The following CHML variants were observed in gnomAD, a reference collection of about 807,000 sequenced individuals.
The protein encoded by CHML is CHM like Rab escort protein, also known as rab proteins geranylgeranyltransferase component A 2.
Under a neutral mutation model 30.4 loss-of-function variants are expected in CHML, and 20 were observed. The ratio of observed to expected loss-of-function variants is 0.66; its 90% CI spans 0.46 to 0.95. The LOEUF (loss-of-function observed/expected upper bound fraction) is 0.95, where lower values mean the gene tolerates loss of function less well. Ranked by LOEUF, CHML falls within the 40% of genes least tolerant of loss-of-function variation. CHML has a pLI of 0.00. For synonymous variants in CHML, 281 were observed against 275.0 expected, an observed-to-expected ratio of 1.02 and a Z score of -0.22; for missense variants, 795 against 768.5, an observed-to-expected ratio of 1.03 and a Z score of -0.41.
chr1:241,630,059 C>T lies in CHML; in HGVS notation c.*3737G>A, dbSNP rs531080726. On this transcript the variant is annotated 3_prime_UTR_variant, in exon 2 of 2. Coordinates refer to ENST00000366553, the MANE Select transcript of CHML (RefSeq NM_001381853.1). ...ATTTCATACTAATGTCACATATTGGCATTTCTTTGGATGTAGCTTTATATT... is the reference window on the plus strand; with the variant it reads ...ATTTCATACTAATGTCACATATTGGTATTTCTTTGGATGTAGCTTTATATT... The T allele has an allele frequency of 6.6e-6, 1 of 152,160 alleles. No homozygotes were observed. Among genetic ancestry groups the T allele is most frequent in the African/African-American group, 2.4e-5 (1 of 41,548 alleles). The allele number at this position is 152,160 out of a possible 1,614,324, so 9.4% of individuals were successfully genotyped here. A position where few individuals can be genotyped will look rare whatever the true frequency, so the allele number is the denominator to read the frequency against.
chr1:241,634,597 A>G lies in CHML; in HGVS notation c.1170T>C (p.Cys390=), dbSNP rs1664798054. The change falls in exon 2 of 2, where the codon TGT becomes TGC. Residue 390 remains cysteine (C), a synonymous_variant. Coordinates refer to ENST00000366553, the MANE Select transcript of CHML (RefSeq NM_001381853.1). ...YGQGEIPQGF[C]RMCAVFGGIY... ...TTCCACCAAAAACTGCACACATCCT[A>G]CAGAAACCCTGGGGAATTTCTCCTT... 6.2e-7 allele frequency: 1 copy of G among 1,613,758 alleles called. No individual in the cohort carries two copies. Among genetic ancestry groups the G allele is most frequent in the Non-Finnish European group, 8.5e-7 (1 of 1,179,894 alleles).
At position 241,635,192 on chromosome 1, in the gene CHML, G is replaced by A. The variant is rs1664837899; in HGVS notation, c.575C>T (p.Ser192Leu). 4 of 1,612,900 alleles carry A rather than the reference G, an allele frequency of 2.5e-6. No homozygotes were observed. Among genetic ancestry groups the A allele is most frequent in the Non-Finnish European group, 3.4e-6 (4 of 1,179,892 alleles). The change falls in exon 2 of 2, where the codon TCA becomes TTA. Residue 192 changes from serine to leucine, a missense_variant. By Grantham distance (145) the Ser-to-Leu change is moderately radical. Coordinates refer to ENST00000366553, the MANE Select transcript of CHML (RefSeq NM_001381853.1). ...CGDKTCMHTV[S>L]DKDGDKDESK... Reference sequence around the variant, plus strand: ...TTCATCTTTATCTCCATCTTTATCTGAAACTGTGTGCATACAAGTTTTATC... The same window carrying A: ...TTCATCTTTATCTCCATCTTTATCTAAAACTGTGTGCATACAAGTTTTATC...
chr1:241,639,941 T>C lies in CHML; in HGVS notation c.-367A>G. ...GCCCACGGTGTCCCACACCCAGCCG[T>C]TCCTCAGGCAGGACACGAAGGTAAA... On this transcript the variant is annotated 5_prime_UTR_variant, in exon 1 of 2. Transcript: ENST00000366553. 1.2e-6 allele frequency: 2 copies of C among 1,608,290 alleles called. No homozygotes were observed. Among genetic ancestry groups the C allele is most frequent in the Non-Finnish European group, 1.7e-6 (2 of 1,177,654 alleles).
chr1:241,635,842 C>T lies in CHML; in HGVS notation c.-76G>A. On this transcript the variant is annotated 5_prime_UTR_variant, in exon 2 of 2. Coordinates refer to ENST00000366553, the MANE Select transcript of CHML (RefSeq NM_001381853.1). ...GTGATTATGCTGTAATAAAATCTGT[C>T]CTTCTGATGTTCCAGTTATCCCAGA... The T allele has an allele frequency of 2.1e-6, 3 of 1,413,354 alleles. No homozygotes were observed. In the South Asian group the frequency reaches 4.1e-5, roughly 19 times the overall value. 87.6% of individuals were successfully genotyped at this position (1,413,354 alleles called of 1,614,324 possible). A position where few individuals can be genotyped will look rare whatever the true frequency, so the allele number is the denominator to read the frequency against.
chr1:241,636,528 A>G (rs918985408), intron 1 of CHML, among the ~76,000 whole-genome samples: 36 of 152,210 alleles, frequency 2.4e-4, no homozygotes, highest in South Asian at 2.1e-4. Context: ...ACAGCTGAAT[A>G]TAAGACCTTT....
At position 241,634,934 on chromosome 1, in the gene CHML, CAAGGAA is replaced by C. The variant is rs1360354466; in HGVS notation, c.827_832del (p.Val276_Cys278delinsGly). The C allele has an allele frequency of 5.0e-6, 8 of 1,612,824 alleles. No individual in the cohort carries two copies. Among genetic ancestry groups the C allele is most frequent in the Non-Finnish European group, 6.8e-6 (8 of 1,179,638 alleles). On this transcript the variant is annotated inframe_deletion, in exon 2 of 2. Transcript: ENST00000366553. ...GCTATTAAAGACATCTGCTCTGGAACAAGGAACTTGTTCTACCTTTCCTTCCCGAAA... is the reference window on the plus strand; with the variant it reads ...GCTATTAAAGACATCTGCTCTGGAACCTTGTTCTACCTTTCCTTCCCGAAA...
At position 241,629,498 on chromosome 1, in the gene CHML, A is replaced by G. The variant is rs1664533255; in HGVS notation, c.*4298T>C. On this transcript the variant is annotated 3_prime_UTR_variant, in exon 2 of 2. Transcript: ENST00000366553. Reference sequence around the variant, plus strand: ...TTTATAAATTTGCCTAAGAGTACAAACCCTTATGGATATGCATATAGTTTT... The same window carrying G: ...TTTATAAATTTGCCTAAGAGTACAAGCCCTTATGGATATGCATATAGTTTT... The G allele has an allele frequency of 6.6e-6, 1 of 152,092 alleles. No individual in the cohort carries two copies. The highest frequency in any genetic ancestry group is 1.5e-5 in the Non-Finnish European group (1 of 67,960). 9.4% of individuals were successfully genotyped at this position (152,092 alleles called of 1,614,324 possible).
chr1:241,639,812 A>G lies in CHML; in HGVS notation c.-308+70T>C, dbSNP rs1033416488. 53 of 1,337,454 alleles carry G rather than the reference A, an allele frequency of 4.0e-5. No homozygotes were observed. In the Middle Eastern group the frequency reaches 8.4e-4, roughly 21 times the overall value. The allele number at this position is 1,337,454 out of a possible 1,614,324, so 82.8% of individuals were successfully genotyped here. A position where few individuals can be genotyped will look rare whatever the true frequency, so the allele number is the denominator to read the frequency against. On this transcript the variant is annotated intron_variant, in intron 1 of 1. Transcript: ENST00000366553. ...GCGGGGCGGGCTGGGGGGCGGACGC[A>G]CGGAGCGGGCAGCGGGGTGGGGAGT... is the stretch of plus-strand genomic sequence containing the variant.
Position 241,632,018 on chromosome 1 carries a change from T to C in CHML, c.*1778A>G, listed in dbSNP as rs1664654436. The C allele has an allele frequency of 6.6e-6, 1 of 152,228 alleles. No homozygotes were observed. The highest frequency in any genetic ancestry group is 1.5e-5 in the Non-Finnish European group (1 of 68,040). 9.4% of individuals were successfully genotyped at this position (152,228 alleles called of 1,614,324 possible). A position where few individuals can be genotyped will look rare whatever the true frequency, so the allele number is the denominator to read the frequency against. On this transcript the variant is annotated 3_prime_UTR_variant, in exon 2 of 2. Transcript: ENST00000366553. The stretch of plus-strand genomic sequence containing the variant: ...TTTCTTCTTTGAAGGTGATATGGTT[T>C]GGCTGTGTTCCCACTCAAATCTCAT...
At position 241,634,981 on chromosome 1, in the gene CHML, G is replaced by T. The variant is rs768091962; in HGVS notation, c.786C>A (p.Val262=). 1 of 1,613,564 alleles carries T rather than the reference G, an allele frequency of 6.2e-7. No individual in the cohort carries two copies. Among genetic ancestry groups the T allele is most frequent in the South Asian group, 1.1e-5 (1 of 91,012 alleles). Residue 262 remains valine, a synonymous_variant, in exon 2 of 2, where the codon GTC becomes GTA. Coordinates refer to ENST00000366553, the MANE Select transcript of CHML (RefSeq NM_001381853.1). ...CTTCCCGAAATGCAAGAATCCTAGT[G>T]ACATTTTTAAATTCTACATAACGAC... The part of the protein sequence containing the change: ...DVSRYVEFKN[V]TRILAFREGK...
In CHML at chr1:241,634,530, T is replaced by C. The variant is rs1664793829; in HGVS notation, c.1237A>G (p.Lys413Glu). Residue 413 changes from lysine (K) to glutamate (E), a missense_variant, in exon 2 of 2, where the codon AAA becomes GAA. Lys to Glu is a moderately conservative substitution (Grantham distance 56, BLOSUM62 1). Transcript: ENST00000366553. ...RHKVQCFVVD[K>E]ESGRCKAIID... Reference sequence around the variant, plus strand: ...ATTGCTTTACATCGTCCAGATTCTTTGTCGACTACAAAGCATTGTACTTTA... The same window carrying C: ...ATTGCTTTACATCGTCCAGATTCTTCGTCGACTACAAAGCATTGTACTTTA... The C allele has an allele frequency of 6.2e-7, 1 of 1,614,004 alleles. No homozygotes were observed. The highest frequency in any genetic ancestry group is 8.5e-7 in the Non-Finnish European group (1 of 1,179,902).
rs1021558748 is a variant in CHML, at chr1:241,631,111, C to T, written c.*2685G>A. 1 of 151,996 alleles carries T rather than the reference C, an allele frequency of 6.6e-6. No individual in the cohort carries two copies. Among genetic ancestry groups the T allele is most frequent in the Non-Finnish European group, 1.5e-5 (1 of 67,942 alleles). 9.4% of individuals were successfully genotyped at this position (151,996 alleles called of 1,614,324 possible). A position where few individuals can be genotyped will look rare whatever the true frequency, so the allele number is the denominator to read the frequency against. The stretch of plus-strand genomic sequence containing the variant: ...CAGTAAGTCCATTAGGGTCAAAGTC[C>T]AACCTGTCAGAAAATTATACTGGGT... On this transcript the variant is annotated 3_prime_UTR_variant, in exon 2 of 2. Coordinates refer to ENST00000366553, the MANE Select transcript of CHML (RefSeq NM_001381853.1).
intron 1 of CHML, among the ~76,000 whole-genome samples, chr1:241,639,016 C>T (rs1665009339): frequency 1.3e-5 from 2 of 152,212 alleles, no homozygotes; most frequent in East Asian, 1.9e-4. Flanking sequence ...TTCCTTTCTA[C>T]GCTTCCTTCA....
rs578223672 is a variant in CHML at position 241,635,608 on chromosome 1, T to C, written c.159A>G (p.Ser53=). 13 of 1,614,122 alleles carry C rather than the reference T, an allele frequency of 8.1e-6. 1 individual carries two copies. In the South Asian group the frequency reaches 1.4e-4, roughly 18 times the overall value. The change falls in exon 2 of 2, where the codon TCA becomes TCG. Residue 53 remains serine (S), a synonymous_variant. Coordinates refer to ENST00000366553, the MANE Select transcript of CHML (RefSeq NM_001381853.1). ...YGGNWASFSF[S]GLLSWLKEYQ... is the part of the protein sequence containing the mutation. ...ACTCCTTCAACCAGGATAGCAATCC[T>C]GAAAAGCTGAAACTAGCCCAGTTTC...
intron 1 of CHML, among the ~76,000 whole-genome samples, chr1:241,637,369 T>C (rs1664938204): frequency 6.6e-6 from 1 of 152,224 alleles, no homozygotes; most frequent in African/African-American, 2.4e-5. Flanking sequence ...CTCAAAAATA[T>C]CAAGGATTCC....
intron 1 of CHML, among the ~76,000 whole-genome samples, chr1:241,638,798 G>A (rs1665000777): frequency 6.6e-6 from 1 of 151,912 alleles, no homozygotes; most frequent in Non-Finnish European, 1.5e-5. Context: ...ATAATATTTG[G>A]GTTTGTCATA....
rs755582121 is a variant in CHML at position 241,635,232 on chromosome 1, C to G, written c.535G>C (p.Glu179Gln). 1.9e-6 allele frequency: 3 copies of G among 1,613,672 alleles called. No homozygotes were observed. The highest frequency in any genetic ancestry group is 3.3e-5 in the Admixed American group (2 of 60,026). ...VTDVEESVEK[E>Q]KYCGDKTCMH... Reference sequence around the variant, plus strand: ...CAAGTTTTATCTCCACAATACTTTTCCTTCTCCACTGATTCCTCTACATCA... The same window carrying G: ...CAAGTTTTATCTCCACAATACTTTTGCTTCTCCACTGATTCCTCTACATCA... The change falls in exon 2 of 2, where the codon GAA becomes CAA. Residue 179 changes from glutamate (E) to glutamine (Q), a missense_variant. Transcript: ENST00000366553.
Position 241,635,710 on chromosome 1 carries a change from G to A in CHML, c.57C>T (p.Pro19=), listed in dbSNP as rs769627175. The A allele has an allele frequency of 1.2e-5, 20 of 1,613,786 alleles. No homozygotes were observed. The highest frequency in any genetic ancestry group is 1.7e-5 in the Non-Finnish European group (20 of 1,179,884). ...AACATGCAGCTGCAAGGATGGATTC[G>A]GGCAAACCTGTCCCTATTATAACCA... ...FDVVIIGTGL[P]ESILAAACSR... Residue 19 remains proline, a synonymous_variant, in exon 2 of 2, where the codon CCC becomes CCT. Coordinates refer to ENST00000366553, the MANE Select transcript of CHML (RefSeq NM_001381853.1).
chr1:241,639,326 T>C (rs1331088633), intron 1 of CHML: 1 of 152,242 alleles, frequency 6.6e-6, no homozygotes, highest in Non-Finnish European at 1.5e-5. Flanking sequence ...AACTGTCTCA[T>C]TCCCTAGAAA....
Sources: allele counts gnomAD v4.1 joint callset (sites outside exome capture counted in the v4.1 genomes callset), GRCh38; gene constraint gnomAD v4.1.1; transcripts MANE v1.5; gene names NCBI Gene and HGNC (gene_info 2026-07-23, HGNC 2026-07-21).